Variants in NDUFS4 observed in about 807,000 individuals in gnomAD.
NDUFS4 encodes NADH dehydrogenase [ubiquinone] iron-sulfur protein 4, mitochondrial.
A neutral mutation model predicts 24.3 loss-of-function variants in NDUFS4; 28 were observed. The ratio of observed to expected loss-of-function variants is 1.15; its 90% CI spans 0.85 to 1.58. The LOEUF (loss-of-function observed/expected upper bound fraction) is 1.58. Among genes scored for constraint, NDUFS4 ranks in the 40% most tolerant of loss-of-function variants. The pLI is 0.00. For missense variants in NDUFS4, 223 were observed against 207.9 expected (o/e 1.07, Z -0.45); for synonymous variants, 93 against 69.7 (o/e 1.34, Z -1.67).
At chr5:53,578,966 C>G (rs184103063) in intron 1 of NDUFS4, among the ~76,000 whole-genome samples, 1 of 152,140 alleles carries the variant, frequency 6.6e-6, no homozygotes, top group African/African-American at 2.4e-5. Flanking sequence ...TGTGACCTCC[C>G]GTGCACTCCC....
chr5:53,638,558 G>GT (rs1751620151), intron 2 of NDUFS4, among the ~76,000 whole-genome samples: 1 of 152,000 alleles, frequency 6.6e-6, no homozygotes, highest in African/African-American at 2.4e-5. Context: ...AGGTAGGAGG[G>GT]TGGGAGAAGG....
chr5:53,566,637 C>T (rs144159784), intron 1 of NDUFS4, among the ~76,000 whole-genome samples: 5 of 152,238 alleles, frequency 3.3e-5, no homozygotes, highest in African/African-American at 9.6e-5. Context: ...CACGGATGCT[C>T]AAGTCCTTGA....
chr5:53,631,405 G>C (rs1367416431), intron 2 of NDUFS4, among the ~76,000 whole-genome samples: 1 of 152,192 alleles, frequency 6.6e-6, no homozygotes, highest in Non-Finnish European at 1.5e-5. Flanking sequence ...ATCAGAGCTT[G>C]AATGCTGTGC....
chr5:53,607,607 C>T (rs1237673005), intron 2 of NDUFS4, among the ~76,000 whole-genome samples: 2 of 152,012 alleles, frequency 1.3e-5, no homozygotes, highest in Non-Finnish European at 2.9e-5. Flanking sequence ...TAGTATTTTT[C>T]GTATGACCAG....
At chr5:53,675,397 C>T (rs913749268) in intron 4 of NDUFS4, among the ~76,000 whole-genome samples, 6 of 152,040 alleles carry the variant, frequency 3.9e-5, no homozygotes, top group East Asian at 1.9e-4. Context: ...TTCCTGACCT[C>T]GTGATCCGCC....
chr5:53,615,366 C>T (rs567364150), intron 2 of NDUFS4, among the ~76,000 whole-genome samples: 2 of 151,990 alleles, frequency 1.3e-5, no homozygotes, highest in South Asian at 4.1e-4. Flanking sequence ...CTTTTTATAT[C>T]ATGTATCTCA....
chr5:53,636,112 G>C (rs1457885343), intron 2 of NDUFS4, among the ~76,000 whole-genome samples: 1 of 152,166 alleles, frequency 6.6e-6, no homozygotes, highest in Non-Finnish European at 1.5e-5. Flanking sequence ...TCAAACTCCT[G>C]GTTTCAAGCA....
At chr5:53,626,848 T>C (rs1393641184) in intron 2 of NDUFS4, among the ~76,000 whole-genome samples, 1 of 152,202 alleles carries the variant, frequency 6.6e-6, no homozygotes, top group Non-Finnish European at 1.5e-5. Flanking sequence ...TTCACTCTGA[T>C]GATAGTTTCT....
At chr5:53,599,563 T>A (rs567813696) in intron 1 of NDUFS4, among the ~76,000 whole-genome samples, 2 of 152,276 alleles carry the variant, frequency 1.3e-5, no homozygotes, top group African/African-American at 4.8e-5. Flanking sequence ...TGGATAAATG[T>A]TTATTTAGGT....
At chr5:53,628,386 C>T (rs1247273598) in intron 2 of NDUFS4, among the ~76,000 whole-genome samples, 1 of 152,138 alleles carries the variant, frequency 6.6e-6, no homozygotes, top group Non-Finnish European at 1.5e-5. Context: ...CAGGATGATA[C>T]TGGCCTCATA....
intron 2 of NDUFS4, among the ~76,000 whole-genome samples, chr5:53,618,475 C>G (rs1001014254): frequency 2.0e-5 from 3 of 151,842 alleles, no homozygotes; most frequent in African/African-American, 7.3e-5. Context: ...TCTAGGGCAC[C>G]CTGGAGCACA....
chr5:53,569,161 C>T (rs1749134714), intron 1 of NDUFS4, among the ~76,000 whole-genome samples: 1 of 152,078 alleles, frequency 6.6e-6, no homozygotes, highest in Non-Finnish European at 1.5e-5. Context: ...TTCAAGTGAT[C>T]TCTTCAATAT....
chr5:53,675,118 T>C (rs1346841695), intron 4 of NDUFS4, among the ~76,000 whole-genome samples: 1 of 150,984 alleles, frequency 6.6e-6, no homozygotes, highest in East Asian at 2.0e-4. Flanking sequence ...ATTTACATAA[T>C]CACTTACTTT....
At chr5:53,636,320 C>T (rs975081492) in intron 2 of NDUFS4, among the ~76,000 whole-genome samples, 3 of 152,196 alleles carry the variant, frequency 2.0e-5, no homozygotes, top group African/African-American at 4.8e-5. Context: ...TATCCAGCCA[C>T]AGTTTGTAAG....
chr5:53,623,575 C>G (rs1461634183), intron 2 of NDUFS4, among the ~76,000 whole-genome samples: 1 of 152,088 alleles, frequency 6.6e-6, no homozygotes, highest in Non-Finnish European at 1.5e-5. Context: ...TCTGATTTAT[C>G]TGTATTTTTT....
At chr5:53,681,707 C>T (rs1022626973) in intron 4 of NDUFS4, among the ~76,000 whole-genome samples, 2 of 152,066 alleles carry the variant, frequency 1.3e-5, no homozygotes, top group African/African-American at 4.8e-5. Context: ...TTTCCTGCTT[C>T]CCCATTTCCT....
At chr5:53,662,911 G>A (rs900662446) in intron 4 of NDUFS4, among the ~76,000 whole-genome samples, 6 of 152,106 alleles carry the variant, frequency 3.9e-5, no homozygotes, top group East Asian at 1.9e-4. Flanking sequence ...TAATTGTGAT[G>A]TTAGGGTGTC....
chr5:53,670,700 C>T lies in NDUFS4; in HGVS notation c.424+12076C>T, dbSNP rs35981420. Among the ~76,000 whole-genome samples the T allele has an allele frequency of 7.2e-3, 1,088 of 150,828 alleles. 9 individuals are homozygous for T. Among genetic ancestry groups the T allele is most frequent in the Non-Finnish European group, 8.5e-3 (573 of 67,640 alleles). On this transcript the variant is annotated intron_variant, in intron 4 of 4. Transcript: ENST00000296684. ...AATATGAGAAACAGGAAACTCATAT[C>T]CAACTTGGAAAAGTTCAAATATAAT...
intron 4 of NDUFS4, among the ~76,000 whole-genome samples, chr5:53,674,239 C>G (rs1393423436): frequency 2.0e-5 from 3 of 152,126 alleles, no homozygotes; most frequent in Admixed American, 6.6e-5. Flanking sequence ...TAGTAATAAG[C>G]TAGAGAGAAC....
Sources: gnomAD v4.1 joint callset for allele counts (sites outside exome capture counted in the v4.1 genomes callset) on GRCh38, gnomAD v4.1.1 for gene constraint, MANE v1.5 for transcripts, NCBI Gene and HGNC (gene_info 2026-07-23, HGNC 2026-07-21) for gene names.